Variants in CTDSPL2 observed in about 807,000 individuals in gnomAD.
CTDSPL2 encodes CTD small phosphatase like 2, also known as CTD small phosphatase-like protein 2.
In CTDSPL2, 5 loss-of-function variants were observed where a neutral mutation model predicts 60.0. The ratio of observed to expected loss-of-function variants is 0.08; its 90% CI spans 0.04 to 0.18. The LOEUF (loss-of-function observed/expected upper bound fraction) is 0.18, where lower values mean the gene tolerates loss of function less well. Ranked by LOEUF, CTDSPL2 falls within the 10% of genes least tolerant of loss-of-function variation. The probability of loss-of-function intolerance (pLI) is 1.00; values close to 1 mark genes in which losing one functional copy is unlikely to be tolerated. For missense variants in CTDSPL2, 370 were observed against 548.8 expected (o/e 0.67, Z 3.26); for synonymous variants, 186 against 189.3 (o/e 0.98, Z 0.14).
chr15:44,427,855 C>G (rs984927465), intron 1 of CTDSPL2, 83 bp downstream of exon 1: 12 of 394,992 alleles, frequency 3.0e-5, no homozygotes, highest in African/African-American at 2.5e-4. Flanking sequence ...GGATCTCCTC[C>G]CCTTCTAAAC....
At chr15:44,506,442 GGT>G (rs1165594714) in intron 8 of CTDSPL2, among the ~76,000 whole-genome samples, 2 of 123,760 alleles carry the variant, frequency 1.6e-5, no homozygotes, top group Non-Finnish European at 3.2e-5. Context: ...TTGGAGGCAT[GGT>G]GTCGCTGTGT....
At chr15:44,453,946 T>C (rs774324719) in intron 1 of CTDSPL2, among the ~76,000 whole-genome samples, 1 of 152,208 alleles carries the variant, frequency 6.6e-6, no homozygotes, top group African/African-American at 2.4e-5. Flanking sequence ...TACCCAGTAA[T>C]GGGATAGCTG....
intron 1 of CTDSPL2, 99 bp downstream of exon 1, chr15:44,427,871 C>T (rs2079777586): frequency 2.5e-6 from 1 of 392,842 alleles, no homozygotes; most frequent in Non-Finnish European, 4.5e-6. Context: ...TAAACCTGGT[C>T]CTCCAGCGGC....
In CTDSPL2 at chr15:44,429,412, G is replaced by A. The variant is rs531927713; in HGVS notation, c.-25+1640G>A. On this transcript the variant is annotated intron_variant, in intron 1 of 12. Transcript: ENST00000260327. ...GTGTAGGTTTTGTCTGTATTTTAAT[G>A]ACCTTTTTGGGTAGTTAATAGCGTT... Among the ~76,000 whole-genome samples, 3 of 152,306 alleles carry A rather than the reference G, an allele frequency of 2.0e-5. No homozygotes were observed. The East Asian group carries it at 5.8e-4, about 29-fold the overall frequency.
At chr15:44,475,355 C>T (rs1041641796) in intron 2 of CTDSPL2, among the ~76,000 whole-genome samples, 43 of 151,936 alleles carry the variant, frequency 2.8e-4, no homozygotes, top group Middle Eastern at 3.2e-3. Context: ...TAAGATTCTT[C>T]AGGCCGGGCG....
intron 1 of CTDSPL2, among the ~76,000 whole-genome samples, chr15:44,444,550 T>C (rs1037036422): frequency 6.6e-6 from 1 of 152,160 alleles, no homozygotes; most frequent in Admixed American, 6.5e-5. Flanking sequence ...TTCACCATGT[T>C]GTCCAGGCTG....
intron 2 of CTDSPL2, among the ~76,000 whole-genome samples, chr15:44,466,162 C>G (rs1234829928): frequency 6.6e-6 from 1 of 152,010 alleles, no homozygotes; most frequent in Admixed American, 6.6e-5. Context: ...GTCTCGAACT[C>G]CTGACCTCAG....
intron 1 of CTDSPL2, among the ~76,000 whole-genome samples, chr15:44,454,133 A>G (rs2140676728): frequency 6.6e-6 from 1 of 152,234 alleles, no homozygotes; most frequent in African/African-American, 2.4e-5. Flanking sequence ...TGGTGTTGAG[A>G]TGGTGGTATC....
chr15:44,430,897 G>C (rs1018389420), intron 1 of CTDSPL2, among the ~76,000 whole-genome samples: 2 of 151,658 alleles, frequency 1.3e-5, no homozygotes, highest in Non-Finnish European at 2.9e-5. Context: ...TCTTGGCTCA[G>C]TGCAGACTCC....
At chr15:44,508,841 C>A (rs975221871) in intron 8 of CTDSPL2, among the ~76,000 whole-genome samples, 2 of 152,094 alleles carry the variant, frequency 1.3e-5, no homozygotes, top group Non-Finnish European at 2.9e-5. Context: ...TTGCTTGAAC[C>A]CGGGAGGTGG....
In CTDSPL2 at chr15:44,463,468, G is replaced by T. The variant is rs554190757; in HGVS notation, c.186+4268G>T. Among the ~76,000 whole-genome samples, 15 of 152,078 alleles carry T rather than the reference G, an allele frequency of 9.9e-5. No individual in the cohort carries two copies. The East Asian group carries it at 2.9e-3, about 29-fold the overall frequency. ...TCTTATTTATTAATTAACATTTTTG[G>T]GTAAGGTTTTTCATACAGCTACAAA... is the stretch of plus-strand genomic sequence containing the variant. On this transcript the variant is annotated intron_variant, in intron 2 of 12. Coordinates refer to ENST00000260327, the MANE Select transcript of CTDSPL2 (RefSeq NM_016396.3).
chr15:44,439,061 A>T (rs888709411), intron 1 of CTDSPL2, among the ~76,000 whole-genome samples: 2 of 151,976 alleles, frequency 1.3e-5, no homozygotes, highest in East Asian at 3.8e-4. Context: ...GATGATGCCT[A>T]AATTGTATCA....
At chr15:44,495,075 G>A (rs1414952283) in intron 5 of CTDSPL2, among the ~76,000 whole-genome samples, 4 of 152,130 alleles carry the variant, frequency 2.6e-5, no homozygotes, top group Non-Finnish European at 4.4e-5. Context: ...GGGTTCAAGC[G>A]ATTCTTCTGC....
chr15:44,482,145 T>C (rs117995353), intron 2 of CTDSPL2, among the ~76,000 whole-genome samples: 1 of 152,182 alleles, frequency 6.6e-6, no homozygotes, highest in Admixed American at 6.6e-5. Flanking sequence ...TCTCTGGTGG[T>C]CCCAGTCGTT....
chr15:44,499,883 T>C, intron 8 of CTDSPL2, 70 bp downstream of exon 8: 1 of 835,266 alleles, frequency 1.2e-6, no homozygotes, highest in Non-Finnish European at 2.0e-6. Flanking sequence ...TTTTGTATTT[T>C]TTTTGTGTGT....
In CTDSPL2 at chr15:44,512,195, TA is replaced by T. The variant is rs567296344; in HGVS notation, c.970-2392del. Among the ~76,000 whole-genome samples, 47 of 143,324 alleles carry T rather than the reference TA, an allele frequency of 3.3e-4. No homozygotes were observed. The South Asian group carries it at 4.4e-3, about 13-fold the overall frequency. The allele number at this position is 143,324 out of a possible 152,430, so 94.0% of individuals were successfully genotyped here. On this transcript the variant is annotated intron_variant, in intron 8 of 12. Transcript: ENST00000260327. ...TAGACAACAGAGTGAAACCTTGTCTTAAAAAAAAAAACAAAAACAGCCTGAA... is the reference window on the plus strand; with the variant it reads ...TAGACAACAGAGTGAAACCTTGTCTTAAAAAAAAAACAAAAACAGCCTGAA...
At chr15:44,430,637 G>A (rs1377985537) in intron 1 of CTDSPL2, among the ~76,000 whole-genome samples, 1 of 152,150 alleles carries the variant, frequency 6.6e-6, no homozygotes, top group Admixed American at 6.5e-5. Flanking sequence ...TTTGGAAAAA[G>A]CAATATCTAA....
chr15:44,507,615 G>A (rs961479385), intron 8 of CTDSPL2, among the ~76,000 whole-genome samples: 1 of 152,196 alleles, frequency 6.6e-6, no homozygotes, highest in Non-Finnish European at 1.5e-5. Context: ...CTTTGGAGAA[G>A]GTTTGGGTTT....
intron 1 of CTDSPL2, among the ~76,000 whole-genome samples, chr15:44,440,390 T>G (rs1343908451): frequency 1.3e-5 from 2 of 151,910 alleles, no homozygotes; most frequent in Non-Finnish European, 2.9e-5. Context: ...GAGATGGGGC[T>G]TCACTCTGTT....
Sources: allele counts gnomAD v4.1 joint callset (sites outside exome capture counted in the v4.1 genomes callset), GRCh38; gene constraint gnomAD v4.1.1; transcripts MANE v1.5; gene names NCBI Gene and HGNC (gene_info 2026-07-23, HGNC 2026-07-21).